The following PCDH15 variants were observed in gnomAD, a reference collection of about 807,000 sequenced individuals.
PCDH15 encodes the protein protocadherin-15.
Under a neutral mutation model 178.5 loss-of-function variants are expected in PCDH15, and 129 were observed. The observed-to-expected ratio is 0.72, with a 90% CI of 0.63 to 0.84. PCDH15 has a LOEUF of 0.84. Among genes scored for constraint, PCDH15 ranks in the 40% least tolerant of loss-of-function variants. PCDH15 has a pLI of 0.00. For synonymous variants in PCDH15, 800 were observed against 732.0 expected (o/e 1.09, Z -1.50); for missense variants, 2,230 against 2,099.9 (o/e 1.06, Z -1.21).
chr10:55,412,740 A>G (rs1011004642), intron 2 of PCDH15, among the ~76,000 whole-genome samples: 3 of 151,968 alleles, frequency 2.0e-5, no homozygotes, highest in African/African-American at 7.2e-5. Context: ...AAAATATTAG[A>G]GAACCAGAAT....
At chr10:53,961,603 G>T in intron 22 of PCDH15, 149 bp downstream of exon 22, 116 of 496,928 alleles carry the variant, frequency 2.3e-4, no homozygotes, top group East Asian at 4.6e-4. Context: ...TACTATTTTT[G>T]TAAGTTTCTA....
chr10:54,088,703 C>G (rs1203684689), intron 16 of PCDH15, among the ~76,000 whole-genome samples: 1 of 152,100 alleles, frequency 6.6e-6, no homozygotes, highest in African/African-American at 2.4e-5. Flanking sequence ...TTATGATCCA[C>G]TTTGAGTTCA....
intron 2 of PCDH15, among the ~76,000 whole-genome samples, chr10:55,497,181 G>A (rs1279715912): frequency 6.6e-6 from 1 of 151,832 alleles, no homozygotes. Context: ...CCAGGCTGAA[G>A]TACAGTGCTG....
chr10:54,007,938 G>T (rs577345644), intron 20 of PCDH15, among the ~76,000 whole-genome samples: 93 of 152,226 alleles, frequency 6.1e-4, no homozygotes, highest in African/African-American at 2.1e-3. Context: ...TAGACAATTT[G>T]AAAAGCTGGT....
At chr10:53,862,355 A>C (rs2079159577) in intron 27 of PCDH15, among the ~76,000 whole-genome samples, 1 of 151,964 alleles carries the variant, frequency 6.6e-6, no homozygotes, top group Non-Finnish European at 1.5e-5. Flanking sequence ...CGGCCATTGT[A>C]CTTTGAATTG....
chr10:54,247,884 A>ATG (rs1404501020), intron 8 of PCDH15, among the ~76,000 whole-genome samples: 1 of 147,500 alleles, frequency 6.8e-6, no homozygotes, highest in East Asian at 1.9e-4. Context: ...AAAAAGAAAT[A>ATG]TGTATATATA....
chr10:54,611,494 A>G (rs566357509), intron 2 of PCDH15, among the ~76,000 whole-genome samples: 1 of 151,950 alleles, frequency 6.6e-6, no homozygotes, highest in East Asian at 1.9e-4. Flanking sequence ...TTTTGTTCGG[A>G]TAATTAGATC....
At chr10:55,195,905 TAGTGCAAGTGCTGA>T (rs1268309178) in intron 1 of PCDH15, among the ~76,000 whole-genome samples, 1 of 152,110 alleles carries the variant, frequency 6.6e-6, no homozygotes, top group African/African-American at 2.4e-5. Context: ...TGAAAATATG[TAGTGCAAGTGCTGA>T]ACTGCATCCA....
intron 2 of PCDH15, among the ~76,000 whole-genome samples, chr10:55,053,023 A>C (rs1841204734): frequency 6.6e-6 from 1 of 152,212 alleles, no homozygotes; most frequent in Non-Finnish European, 1.5e-5. Context: ...CGTTGGTGAG[A>C]GACAAGGAAC....
chr10:53,952,136 T>A (rs1405532472), intron 23 of PCDH15, among the ~76,000 whole-genome samples: 2 of 152,136 alleles, frequency 1.3e-5, no homozygotes, highest in Non-Finnish European at 2.9e-5. Context: ...CCACTTCGCT[T>A]CTCTTCTCTC....
chr10:53,811,641 T>A (rs765725968), intron 35 of PCDH15, 22 bp from the exon 36 acceptor site: 2 of 1,506,316 alleles, frequency 1.3e-6, no homozygotes, highest in African/African-American at 1.4e-5. Context: ...AAAGAAAAAT[T>A]GCATTTGAAA....
chr10:54,397,563 T>G (rs1951404986), intron 3 of PCDH15, among the ~76,000 whole-genome samples: 1 of 152,100 alleles, frequency 6.6e-6, no homozygotes, highest in South Asian at 2.1e-4. Context: ...AGTTCTATTT[T>G]GGCAATGGGA....
At chr10:54,710,575 G>C (rs2095418561) in intron 1 of PCDH15, among the ~76,000 whole-genome samples, 1 of 151,978 alleles carries the variant, frequency 6.6e-6, no homozygotes, top group Admixed American at 6.6e-5. Context: ...ATTTCAGCCT[G>C]TGTCAAAAGG....
intron 1 of PCDH15, among the ~76,000 whole-genome samples, chr10:54,796,282 G>GTATCTATCTATCTATC (rs57641746): frequency 0.014 from 1,744 of 126,332 alleles, 28 homozygotes; most frequent in African/African-American, 0.034. Flanking sequence ...ATGTATCTAT[G>GTATCTATCTATCTATC]TATCTATCTA....
intron 1 of PCDH15, among the ~76,000 whole-genome samples, chr10:54,756,044 G>A (rs1322829486): frequency 6.7e-5 from 7 of 103,808 alleles, no homozygotes; most frequent in South Asian, 6.5e-4. Flanking sequence ...TGAAACCCCC[G>A]TCTCTACTAA....
chr10:54,301,865 A>C (rs2060169977), intron 8 of PCDH15, among the ~76,000 whole-genome samples: 1 of 152,194 alleles, frequency 6.6e-6, no homozygotes, highest in Non-Finnish European at 1.5e-5. Flanking sequence ...ATAAGAGCTA[A>C]TATATTTTTT....
intron 13 of PCDH15, among the ~76,000 whole-genome samples, chr10:54,168,123 G>A (rs892369139): frequency 2.0e-5 from 3 of 151,856 alleles, no homozygotes; most frequent in Admixed American, 6.6e-5. Context: ...ATTTTCTTCT[G>A]CAATGCCGCT....
intron 2 of PCDH15, among the ~76,000 whole-genome samples, chr10:54,545,209 T>C (rs2085708309): frequency 6.6e-6 from 1 of 152,222 alleles, no homozygotes; most frequent in Admixed American, 6.5e-5. Context: ...CATAGCTGTC[T>C]GGAGCAAATA....
intron 2 of PCDH15, among the ~76,000 whole-genome samples, chr10:55,560,052 T>C (rs182995181): frequency 3.1e-4 from 47 of 152,064 alleles, no homozygotes; most frequent in African/African-American, 9.9e-4. Context: ...TATATTAAAA[T>C]AAATTCATGT....
Sources: allele counts gnomAD v4.1 joint callset (sites outside exome capture counted in the v4.1 genomes callset), GRCh38; gene constraint gnomAD v4.1.1; transcripts MANE v1.5; gene names NCBI Gene and HGNC (gene_info 2026-07-23, HGNC 2026-07-21).